The following TLE2 variants were observed in gnomAD, a reference collection of about 807,000 sequenced individuals.
TLE2 encodes the protein transducin-like enhancer protein 2.
In TLE2, 74 loss-of-function variants were observed where a neutral mutation model predicts 97.2. The observed-to-expected ratio is 0.76, with a 90% confidence interval of 0.63 to 0.92. The LOEUF (loss-of-function observed/expected upper bound fraction) is 0.92, where lower values mean the gene tolerates loss of function less well. Among genes scored for constraint, TLE2 ranks in the 40% least tolerant of loss-of-function variants. The pLI, the probability that TLE2 is intolerant of heterozygous loss-of-function variation, is 0.00. For missense variants in TLE2, 1,038 were observed against 1,008.7 expected (o/e 1.03, Z -0.39); for synonymous variants, 499 against 432.1 (o/e 1.15, Z -1.92).
At chr19:3,036,346 C>A (rs1425557974) in intron 1 of TLE2, among the ~76,000 whole-genome samples, 1 of 152,250 alleles carries the variant, frequency 6.6e-6, no homozygotes, top group African/African-American at 2.4e-5. Flanking sequence ...CGCGCTCTCC[C>A]GCCCGTCGCC....
intron 11 of TLE2, among the ~76,000 whole-genome samples, chr19:3,012,371 A>G (rs993609632): frequency 4.6e-5 from 7 of 152,160 alleles, no homozygotes; most frequent in African/African-American, 1.7e-4. Flanking sequence ...ACACGACTCC[A>G]TGCCCGGCTA....
Position 3,009,679 on chromosome 19 carries a change from AC to A in TLE2, c.1035del (p.Ser346ProfsTer46). On this transcript the variant is annotated frameshift_variant, in exon 13 of 20. Transcript: ENST00000262953. LOFTEE classifies it high-confidence loss of function. Reference protein sequence around the residue: ...DSVALRSPLTLSSPFTTSFSL... With the variant: ...DSVALRSPLTXSSPFTTSFSL... ...CTGAAGGACGTGGTGAAGGGACTGG[AC>A]AGAGTCAGGGGGCTCCTCAGGGCTG... 6.2e-7 allele frequency: 1 copy of A among 1,612,558 alleles called. No homozygotes were observed.
chr19:3,025,312 C>G, intron 4 of TLE2: 1 of 1,285,448 alleles, frequency 7.8e-7, no homozygotes, highest in South Asian at 2.0e-5. Context: ...GCTGGGAAGA[C>G]CAGGGCTGAG....
At chr19:3,042,541 G>A (rs1178518758) in intron 1 of TLE2, among the ~76,000 whole-genome samples, 5 of 151,438 alleles carry the variant, frequency 3.3e-5, no homozygotes, top group Admixed American at 1.3e-4. Context: ...GAAGGTTAGG[G>A]GACCCAAGCT....
In TLE2 at chr19:3,019,930, T is replaced by C; in HGVS notation, c.295-157A>G. 9.9e-7 allele frequency: 1 copy of C among 1,008,830 alleles called. No individual in the cohort carries two copies. The highest frequency in any genetic ancestry group is 1.4e-6 in the Non-Finnish European group (1 of 706,402). 62.5% of individuals were successfully genotyped at this position (1,008,830 alleles called of 1,614,324 possible). A position where few individuals can be genotyped will look rare whatever the true frequency, so the allele number is the denominator to read the frequency against. On this transcript the variant is annotated intron_variant, in intron 5 of 19. Transcript: ENST00000262953. The surrounding 1 kb of genome is among the most constrained non-coding windows in gnomAD (Gnocchi z 5.1). The stretch of plus-strand genomic sequence containing the variant: ...TTTCCCTCTCACTCTCTCCCTTTCC[T>C]TTTGGAATTTTGAAATAAGCACACG...
rs1018441071 is a variant in TLE2 at position 3,009,841 on chromosome 19, G to C, written c.1013-139C>G. 3.1e-5 allele frequency: 30 copies of C among 962,128 alleles called. No homozygotes were observed. In the South Asian group the frequency reaches 5.5e-4, roughly 18 times the overall value. The allele number at this position is 962,128 out of a possible 1,614,324, so 59.6% of individuals were successfully genotyped here. A position where few individuals can be genotyped will look rare whatever the true frequency, so the allele number is the denominator to read the frequency against. On this transcript the variant is annotated intron_variant, in intron 12 of 19. Coordinates refer to ENST00000262953, the MANE Select transcript of TLE2 (RefSeq NM_003260.5). Reference sequence around the variant, plus strand: ...TTGGCCATAGCCTGGGACACCTCCAGACCTCTGCACTATCGTTCCTCCAGT... The same window carrying C: ...TTGGCCATAGCCTGGGACACCTCCACACCTCTGCACTATCGTTCCTCCAGT...
In TLE2 at chr19:2,997,960, C is replaced by CAAGGGAAGGGAGAGAGAA; in HGVS notation, c.2125-23_2125-6dup. ...GACTGAGGACGACTCCTTGGACTGC[C>CAAGGGAAGGGAGAGAGAA]AAGGGAAGGGAGAGAGAAAAGGGCA... On this transcript the variant is annotated splice_region_variant and splice_polypyrimidine_tract_variant and intron_variant, in intron 19 of 19. Coordinates refer to ENST00000262953, the MANE Select transcript of TLE2 (RefSeq NM_003260.5). 6.2e-7 allele frequency: 1 copy of CAAGGGAAGGGAGAGAGAA among 1,604,934 alleles called. No homozygotes were observed. The highest frequency in any genetic ancestry group is 1.1e-5 in the South Asian group (1 of 89,878).
At chr19:3,008,550 A>C (rs1013162356) in intron 14 of TLE2, among the ~76,000 whole-genome samples, 1 of 151,462 alleles carries the variant, frequency 6.6e-6, no homozygotes, top group Non-Finnish European at 1.5e-5. Flanking sequence ...TCCCAGGTTC[A>C]AGTGATTCTC....
At chr19:3,023,426 G>C (rs1013278416) in intron 5 of TLE2, among the ~76,000 whole-genome samples, 1 of 152,134 alleles carries the variant, frequency 6.6e-6, no homozygotes, top group Non-Finnish European at 1.5e-5. Context: ...TGTCTACACA[G>C]GACCTCTCCC....
chr19:3,039,678 GTATT>G (rs2090086271), intron 1 of TLE2, among the ~76,000 whole-genome samples: 1 of 152,176 alleles, frequency 6.6e-6, no homozygotes, highest in Non-Finnish European at 1.5e-5. Flanking sequence ...CGGCTACACT[GTATT>G]TATTGGGAGA....
chr19:3,040,991 T>TTATATATATATATATATATATATATA (rs1168113732), intron 1 of TLE2, among the ~76,000 whole-genome samples: 9 of 29,728 alleles, frequency 3.0e-4, no homozygotes, highest in Admixed American at 4.6e-4. Context: ...CTGCTGCCAT[T>TTATATATATATATATATATATATATA]TATATATATA....
At chr19:3,008,967 G>A in intron 13 of TLE2, 22 bp from the exon 14 acceptor site, 2 of 1,554,068 alleles carry the variant, frequency 1.3e-6, no homozygotes, top group Non-Finnish European at 1.7e-6. Flanking sequence ...CCAGGGGGGT[G>A]TCAGTGAGGC....
intron 11 of TLE2, among the ~76,000 whole-genome samples, chr19:3,012,450 C>T (rs216267): frequency 0.012 from 1,767 of 152,262 alleles, 29 homozygotes; most frequent in African/African-American, 0.037. Flanking sequence ...CTCCTGTTCT[C>T]GAGTGATCGT....
chr19:3,025,096 A>G lies in TLE2; in HGVS notation c.232-14T>C, dbSNP rs2089919181. The G allele has an allele frequency of 6.2e-7, 1 of 1,600,474 alleles. No individual in the cohort carries two copies. Among genetic ancestry groups the G allele is most frequent in the Admixed American group, 1.7e-5 (1 of 58,366 alleles). On this transcript the variant is annotated splice_polypyrimidine_tract_variant and intron_variant, in intron 4 of 19. Transcript: ENST00000262953. ...CACAATCTCCGCCTGGCAGGAAGCA[A>G]TGAGAGGAAGCTTGGAGCGGGGTAG...
Position 3,029,249 on chromosome 19 carries a change from C to T in TLE2, c.-345G>A. On this transcript the variant is annotated 5_prime_UTR_variant, in exon 1 of 20. Coordinates refer to ENST00000262953, the MANE Select transcript of TLE2 (RefSeq NM_003260.5). Reference sequence around the variant, plus strand: ...GCGGCGGCGCGGGCGGCGGGCCCCGCGCGGAGCCGCCTCCCTCCGGCGGGG... The same window carrying T: ...GCGGCGGCGCGGGCGGCGGGCCCCGTGCGGAGCCGCCTCCCTCCGGCGGGG... 1 of 247,092 alleles carries T rather than the reference C, an allele frequency of 4.0e-6. No individual in the cohort carries two copies. The highest frequency in any genetic ancestry group is 6.3e-6 in the Non-Finnish European group (1 of 159,298). The allele number at this position is 247,092 out of a possible 1,614,324, so 15.3% of individuals were successfully genotyped here. A position where few individuals can be genotyped will look rare whatever the true frequency, so the allele number is the denominator to read the frequency against.
chr19:3,005,777 G>A lies in TLE2; in HGVS notation c.1692C>T (p.Ser564=). 1 of 1,613,964 alleles carries A rather than the reference G, an allele frequency of 6.2e-7. No individual in the cohort carries two copies. Among genetic ancestry groups the A allele is most frequent in the Non-Finnish European group, 8.5e-7 (1 of 1,179,858 alleles). The change falls in exon 16 of 20, where the codon TCC becomes TCT. Residue 564 remains serine, a synonymous_variant. Coordinates refer to ENST00000262953, the MANE Select transcript of TLE2 (RefSeq NM_003260.5). Reference sequence around the variant, plus strand: ...CCACAATGTTGCCATCGCTGCAGCAGGAGAAGCAAACCTTGGCGTCGGGGC... The same window carrying A: ...CCACAATGTTGCCATCGCTGCAGCAAGAGAAGCAAACCTTGGCGTCGGGGC... ...AVSPDAKVCF[S]CCSDGNIVVW...
chr19:3,032,387 AC>A (rs2090032185), upstream of TLE2, among the ~76,000 whole-genome samples: 1 of 151,630 alleles, frequency 6.6e-6, no homozygotes, highest in African/African-American at 2.4e-5. This position sits in a 1 kb window ranked among gnomAD's most constrained non-coding sequence, Gnocchi z 4.1. Flanking sequence ...ACAGGTGCCC[AC>A]CACCACGCCT....
upstream of TLE2, chr19:3,045,865 C>T: frequency 2.9e-6 from 1 of 341,854 alleles, no homozygotes; most frequent in South Asian, 2.2e-5. Context: ...TCCTGAATTT[C>T]CTGCATTTGA....
rs375521364 is a variant in TLE2 at position 3,029,060 on chromosome 19, C to T, written c.-156G>A. 7,826 of 1,349,694 alleles carry T rather than the reference C, an allele frequency of 5.8e-3. 232 individuals carry two copies. The Admixed American group carries it at 0.063, about 11-fold the overall frequency. 83.6% of individuals were successfully genotyped at this position (1,349,694 alleles called of 1,614,324 possible). The stretch of plus-strand genomic sequence containing the variant: ...GGGCAAGGGACCCTGGAGTCCCTGG[C>T]GCGCCCCCAAGCGCGCGCGCCCGGG... On this transcript the variant is annotated 5_prime_UTR_variant, in exon 1 of 20. Transcript: ENST00000262953.
Sources: allele counts gnomAD v4.1 joint callset (sites outside exome capture counted in the v4.1 genomes callset), GRCh38; gene constraint gnomAD v4.1.1; non-coding constraint Gnocchi (gnomAD v3.1); transcripts MANE v1.5; gene names NCBI Gene and HGNC (gene_info 2026-07-23, HGNC 2026-07-21).